Variants in WWTR1 observed in about 807,000 individuals in gnomAD.
The protein encoded by WWTR1 is WW domain containing transcription regulator 1.
A neutral mutation model predicts 40.1 loss-of-function variants in WWTR1; 13 were observed. The ratio of observed to expected loss-of-function variants is 0.32; its 90% CI spans 0.21 to 0.52. The LOEUF (loss-of-function observed/expected upper bound fraction) is 0.52, where lower values mean the gene tolerates loss of function less well. Ranked by LOEUF, WWTR1 falls within the 20% of genes least tolerant of loss-of-function variation. WWTR1 has a pLI of 0.97. For missense variants in WWTR1, 436 were observed against 523.1 expected, an observed-to-expected ratio of 0.83 and a Z score of 1.63; for synonymous variants, 230 against 210.1, an observed-to-expected ratio of 1.09 and a Z score of -0.82.
At chr3:149,582,024 A>G (rs1230349014) in intron 2 of WWTR1, among the ~76,000 whole-genome samples, 2 of 151,912 alleles carry the variant, frequency 1.3e-5, no homozygotes, top group Non-Finnish European at 2.9e-5. Context: ...CTGGGGTGGG[A>G]AAAAAAAGTG....
At chr3:149,521,723 G>A (rs889217212) in intron 6 of WWTR1, among the ~76,000 whole-genome samples, 5 of 152,194 alleles carry the variant, frequency 3.3e-5, no homozygotes, top group Admixed American at 6.5e-5. Context: ...AGGAAAAGTA[G>A]GTGTCTGGGA....
rs903109436 is a variant in WWTR1 at position 149,630,183 on chromosome 3, GT to G, written c.431+26692del. Among the ~76,000 whole-genome samples the G allele has an allele frequency of 7.9e-5, 12 of 152,010 alleles. No homozygotes were observed. In the East Asian group the frequency reaches 1.2e-3, roughly 15 times the overall value. ...ATTAGAATAATAAAATCTTCGGTGC[GT>G]TTTTTTCTTCTGTAAAAAAATTCCA... On this transcript the variant is annotated intron_variant, in intron 2 of 6. Coordinates refer to ENST00000360632, the MANE Select transcript of WWTR1 (RefSeq NM_015472.6).
chr3:149,541,251 G>C (rs1736084949), intron 4 of WWTR1, among the ~76,000 whole-genome samples: 1 of 152,190 alleles, frequency 6.6e-6, no homozygotes, highest in Non-Finnish European at 1.5e-5. Context: ...CAACACAGAA[G>C]AAAGAATTCT....
At chr3:149,683,465 G>A (rs766263501) in intron 1 of WWTR1, among the ~76,000 whole-genome samples, 7 of 152,058 alleles carry the variant, frequency 4.6e-5, no homozygotes, top group African/African-American at 7.2e-5. Context: ...AGGTCAAAGC[G>A]GATGGATCAC....
chr3:149,643,373 G>A (rs1266857846), intron 2 of WWTR1, among the ~76,000 whole-genome samples: 2 of 152,146 alleles, frequency 1.3e-5, no homozygotes, highest in East Asian at 1.9e-4. Context: ...TAACAGTCCT[G>A]TGCACTACAA....
chr3:149,599,068 T>C (rs1212089836), intron 2 of WWTR1, among the ~76,000 whole-genome samples: 7 of 152,224 alleles, frequency 4.6e-5, no homozygotes, highest in African/African-American at 1.2e-4. Flanking sequence ...ATTATATCAG[T>C]CCATAAGGTA....
At chr3:149,675,665 C>T (rs1023671954) in intron 1 of WWTR1, among the ~76,000 whole-genome samples, 1 of 151,914 alleles carries the variant, frequency 6.6e-6, no homozygotes, top group Non-Finnish European at 1.5e-5. Flanking sequence ...ATGGCCAGAA[C>T]CTAATTAAAA....
chr3:149,576,260 A>C, intron 2 of WWTR1: 1 of 356,522 alleles, frequency 2.8e-6, no homozygotes, highest in Admixed American at 3.7e-5. Context: ...TACAGCCTTG[A>C]TGATTTCATC....
intron 3 of WWTR1, among the ~76,000 whole-genome samples, chr3:149,548,935 T>A (rs1030571030): frequency 6.6e-6 from 1 of 152,204 alleles, no homozygotes; most frequent in African/African-American, 2.4e-5. Flanking sequence ...CCAGCACCTA[T>A]TTCCTAACAG....
At chr3:149,597,519 C>T (rs1022576649) in intron 2 of WWTR1, among the ~76,000 whole-genome samples, 2 of 151,018 alleles carry the variant, frequency 1.3e-5, no homozygotes, top group African/African-American at 4.9e-5. Context: ...GCAGCGCACA[C>T]CTGAAGTCCC....
At chr3:149,645,794 TA>T (rs1268887497) in intron 2 of WWTR1, among the ~76,000 whole-genome samples, 1 of 151,984 alleles carries the variant, frequency 6.6e-6, no homozygotes, top group African/African-American at 2.4e-5. Context: ...CACAAATGAA[TA>T]TTTTTTTTTT....
intron 3 of WWTR1, among the ~76,000 whole-genome samples, chr3:149,547,829 T>C (rs554400387): frequency 6.6e-6 from 1 of 151,276 alleles, no homozygotes; most frequent in South Asian, 2.1e-4. Flanking sequence ...CCTTTTTCTT[T>C]TTTTTTTTTT....
chr3:149,628,005 GGGGGTTGCGGTGAGCCGAGAT>G (rs1357278289), intron 2 of WWTR1, among the ~76,000 whole-genome samples: 1 of 149,532 alleles, frequency 6.7e-6, no homozygotes, highest in African/African-American at 2.5e-5. Flanking sequence ...CCTGGGAGGT[GGGGGTTGCGGTGAGCCGAGAT>G]GGCGCCATTG....
At chr3:149,602,478 C>T (rs1282904157) in intron 2 of WWTR1, among the ~76,000 whole-genome samples, 1 of 152,196 alleles carries the variant, frequency 6.6e-6, no homozygotes, top group Non-Finnish European at 1.5e-5. Context: ...GTCCTAAATA[C>T]TTGGGGACAT....
Position 149,519,118 on chromosome 3 carries a change from A to G in WWTR1, c.*1687T>C. 1 of 152,200 alleles carries G rather than the reference A, an allele frequency of 6.6e-6. No homozygotes were observed. Among genetic ancestry groups the G allele is most frequent in the East Asian group, 1.9e-4 (1 of 5,180 alleles). 9.4% of individuals were successfully genotyped at this position (152,200 alleles called of 1,614,324 possible). A position where few individuals can be genotyped will look rare whatever the true frequency, so the allele number is the denominator to read the frequency against. On this transcript the variant is annotated 3_prime_UTR_variant, in exon 7 of 7. Coordinates refer to ENST00000360632, the MANE Select transcript of WWTR1 (RefSeq NM_015472.6). Reference sequence around the variant, plus strand: ...TCAAAAAAGATTAAATTCATAGATTATAAATAATATTAGTTCAAAATATTA... The same window carrying G: ...TCAAAAAAGATTAAATTCATAGATTGTAAATAATATTAGTTCAAAATATTA...
At position 149,542,464 on chromosome 3, in the gene WWTR1, T is replaced by A; in HGVS notation, c.642A>T (p.Pro214=). 6.2e-7 allele frequency: 1 copy of A among 1,613,910 alleles called. No individual in the cohort carries two copies. The highest frequency in any genetic ancestry group is 8.5e-7 in the Non-Finnish European group (1 of 1,179,932). ...TGGGCATACTCATGAGCCCTGCGGG[T>A]GGGTTCTGAGTGGGGTGGTTCTGCT... The part of the protein sequence containing the change: ...LSQQNHPTQN[P]PAGLMSMPNA... Residue 214 remains proline (P), a synonymous_variant, in exon 4 of 7, where the codon CCA becomes CCT. Coordinates refer to ENST00000360632, the MANE Select transcript of WWTR1 (RefSeq NM_015472.6).
At chr3:149,651,924 G>A (rs969561741) in intron 2 of WWTR1, among the ~76,000 whole-genome samples, 1 of 150,464 alleles carries the variant, frequency 6.6e-6, no homozygotes, top group East Asian at 2.0e-4. Flanking sequence ...CCGCCTCCGG[G>A]GTTCACACCA....
intron 4 of WWTR1, among the ~76,000 whole-genome samples, chr3:149,541,710 T>C (rs563350323): frequency 1.3e-5 from 2 of 151,892 alleles, no homozygotes; most frequent in East Asian, 3.9e-4. Flanking sequence ...ACTTCCTGTC[T>C]CTTAGAATGC....
At position 149,527,844 on chromosome 3, in the gene WWTR1, G is replaced by T. The variant is rs757219121; in HGVS notation, c.897C>A (p.Phe299Leu). ...RSITNNSSDP[F>L]LNGGPYHSRE... ...CCCAAATATTAACTTACCCATTGAG[G>T]AAAGGATCTGAGCTATTATTAGTGA... Residue 299 changes from phenylalanine (F) to leucine (L), a missense_variant, in exon 5 of 7, where the codon TTC (phenylalanine) becomes TTA (leucine). By Grantham distance (22) the Phe-to-Leu change is conservative (BLOSUM62 0). Transcript: ENST00000360632. The T allele has an allele frequency of 7.9e-5, 127 of 1,613,918 alleles. No individual in the cohort carries two copies. Among genetic ancestry groups the T allele is most frequent in the Non-Finnish European group, 3.6e-5 (42 of 1,180,018 alleles).
Sources: allele counts gnomAD v4.1 joint callset (sites outside exome capture counted in the v4.1 genomes callset), GRCh38; gene constraint gnomAD v4.1.1; transcripts MANE v1.5; gene names NCBI Gene and HGNC (gene_info 2026-07-23, HGNC 2026-07-21).